The following EEF1E1 variants were observed in gnomAD, a reference collection of about 807,000 sequenced individuals.
EEF1E1 encodes eukaryotic translation elongation factor 1 epsilon-1.
EEF1E1 carries 19 observed loss-of-function variants against 19.9 expected under a neutral mutation model. The ratio of observed to expected loss-of-function variants is 0.95; its 90% confidence interval spans 0.66 to 1.40. The LOEUF is 1.40. EEF1E1 is among the 40% of genes most tolerant of loss of function. EEF1E1 has a pLI of 0.00. For synonymous variants in EEF1E1, 81 were observed against 80.0 expected, an observed-to-expected ratio of 1.01 and a Z score of -0.07; for missense variants, 198 against 202.2, an observed-to-expected ratio of 0.98 and a Z score of 0.13.
chr6:8,088,723 T>A lies in EEF1E1; in HGVS notation c.384+1463A>T, dbSNP rs76209653. On this transcript the variant is annotated intron_variant, in intron 3 of 3. Coordinates refer to ENST00000379715, the MANE Select transcript of EEF1E1 (RefSeq NM_004280.5). ...CGTGAAAATGGACTAATACAAATGG[T>A]TTGGCCTAGGAAAAAGGCAAGGCTG... Among the ~76,000 whole-genome samples, 269 of 152,260 alleles carry A rather than the reference T, an allele frequency of 1.8e-3. 3 individuals carry two copies. Among genetic ancestry groups the A allele is most frequent in the African/African-American group, 6.2e-3 (259 of 41,542 alleles).
At chr6:8,086,206 C>T (rs1284540351) in intron 3 of EEF1E1, among the ~76,000 whole-genome samples, 2 of 152,058 alleles carry the variant, frequency 1.3e-5, no homozygotes, top group Non-Finnish European at 2.9e-5. Flanking sequence ...TGCATTATTA[C>T]GGTACGTTTG....
At chr6:8,074,409 C>T (rs904857655), downstream of EEF1E1, among the ~76,000 whole-genome samples, 9 of 152,096 alleles carry the variant, frequency 5.9e-5, no homozygotes, top group Admixed American at 1.3e-4. Flanking sequence ...GATTGAGCAC[C>T]GACTGTGGTG....
downstream of EEF1E1, among the ~76,000 whole-genome samples, chr6:8,077,158 T>A (rs944868824): frequency 2.6e-5 from 4 of 152,062 alleles, no homozygotes; most frequent in Admixed American, 2.6e-4. Context: ...TTAGCCAGGA[T>A]TGTCTCGATC....
chr6:8,087,751 CAA>C (rs1757901478), intron 3 of EEF1E1, among the ~76,000 whole-genome samples: 1 of 152,136 alleles, frequency 6.6e-6, no homozygotes, highest in African/African-American at 2.4e-5. Context: ...TTTAGATGAA[CAA>C]AAGATTCTAA....
At chr6:8,075,944 T>C (rs541787526), downstream of EEF1E1, among the ~76,000 whole-genome samples, 3 of 152,314 alleles carry the variant, frequency 2.0e-5, no homozygotes, top group African/African-American at 7.2e-5. Context: ...AAGTCCACCT[T>C]AAGAAACCAC....
chr6:8,088,657 G>C (rs1368706522), intron 3 of EEF1E1, among the ~76,000 whole-genome samples: 2 of 152,086 alleles, frequency 1.3e-5, no homozygotes, highest in Non-Finnish European at 2.9e-5. Context: ...CCTTTTTCCT[G>C]TATATATATT....
intron 2 of EEF1E1, among the ~76,000 whole-genome samples, chr6:8,090,793 C>T (rs1757993582): frequency 6.6e-6 from 1 of 152,182 alleles, no homozygotes; most frequent in Non-Finnish European, 1.5e-5. Context: ...CAGTCATAGA[C>T]TATATGTACT....
chr6:8,084,745 T>C lies in EEF1E1; in HGVS notation c.385-4715A>G, dbSNP rs373657449. 1.6e-3 allele frequency among the ~76,000 whole-genome samples: 240 copies of C among 152,358 alleles called. 2 individuals carry two copies. The highest frequency in any genetic ancestry group is 5.3e-3 in the African/African-American group (222 of 41,588). ...TCGTAAAAAGCCAACAAGTTTGTTA[T>C]TGTGGTTTTCAGATAGAAATTGTTC... On this transcript the variant is annotated intron_variant, in intron 3 of 3. Transcript: ENST00000379715.
chr6:8,078,750 AGAAAG>A, downstream of EEF1E1: 1 of 1,284,508 alleles, frequency 7.8e-7, no homozygotes. Context: ...CCTGGAGAAG[AGAAAG>A]GAAACTAACC....
intron 1 of EEF1E1, chr6:8,101,857 G>A: frequency 7.8e-7 from 1 of 1,283,084 alleles, no homozygotes; most frequent in South Asian, 1.2e-5. Flanking sequence ...CCTAGATTGG[G>A]CCAAGACTCC....
At chr6:8,098,879 T>G (rs1292184181) in intron 1 of EEF1E1, among the ~76,000 whole-genome samples, 3 of 152,172 alleles carry the variant, frequency 2.0e-5, no homozygotes, top group Non-Finnish European at 4.4e-5. Flanking sequence ...GAGAATTATT[T>G]GTAAAAATAA....
intron 3 of EEF1E1, among the ~76,000 whole-genome samples, chr6:8,083,645 C>A (rs568828510): frequency 6.6e-6 from 1 of 152,292 alleles, no homozygotes; most frequent in African/African-American, 2.4e-5. Flanking sequence ...TAAAATTGGG[C>A]TCACAATGAA....
intron 2 of EEF1E1, 40 bp downstream of exon 2, chr6:8,097,227 A>T (rs534425606): frequency 6.3e-7 from 1 of 1,578,600 alleles, no homozygotes; most frequent in South Asian, 1.1e-5. Context: ...TTTCTGATTA[A>T]CAGTTCATGC....
intron 2 of EEF1E1, 137 bp downstream of exon 2, chr6:8,097,130 G>C (rs1758198027): frequency 2.5e-5 from 21 of 840,224 alleles, no homozygotes; most frequent in Middle Eastern, 2.3e-4. Flanking sequence ...TCCAGGCAGA[G>C]GGAATAACAG....
chr6:8,078,538 A>C (rs537535673), downstream of EEF1E1: 119 of 648,452 alleles, frequency 1.8e-4, 1 homozygote, highest in South Asian at 4.0e-3. Context: ...GCACAAGCCG[A>C]CGGAAAAATG....
chr6:8,078,316 AAAG>A (rs1191045068), downstream of EEF1E1, among the ~76,000 whole-genome samples: 2 of 152,076 alleles, frequency 1.3e-5, no homozygotes, highest in African/African-American at 4.8e-5. Context: ...AAGGAAAAGG[AAAG>A]AAGGGGAACG....
chr6:8,090,462 T>A (rs1757986194), intron 2 of EEF1E1, among the ~76,000 whole-genome samples, 181 bp from the exon 3 acceptor site: 5 of 152,156 alleles, frequency 3.3e-5, no homozygotes, highest in Non-Finnish European at 7.4e-5. Context: ...CACCTCATTT[T>A]AAAAAAATTG....
chr6:8,099,696 G>A (rs573516331), intron 1 of EEF1E1, among the ~76,000 whole-genome samples: 42 of 149,816 alleles, frequency 2.8e-4, no homozygotes, highest in Non-Finnish European at 5.8e-4. Flanking sequence ...GCAGTGAGCC[G>A]AGATCGCACC....
chr6:8,090,420 T>C (rs778695178), intron 2 of EEF1E1, 139 bp from the exon 3 acceptor site: 1 of 652,546 alleles, frequency 1.5e-6, no homozygotes, highest in Non-Finnish European at 2.2e-6. Flanking sequence ...TTGACATTAA[T>C]ATTCATTCAA....
Sources: allele counts gnomAD v4.1 joint callset (sites outside exome capture counted in the v4.1 genomes callset), GRCh38; gene constraint gnomAD v4.1.1; transcripts MANE v1.5; gene names NCBI Gene and HGNC (gene_info 2026-07-23, HGNC 2026-07-21).